Variants in ABTB3 observed in about 807,000 individuals in gnomAD.
ABTB3 encodes the protein ankyrin repeat and BTB domain containing 3, also known as ankyrin repeat- and BTB/POZ domain-containing protein 3.
chr12:107,399,736 G>C, the ABTB3 span, among the ~76,000 whole-genome samples: 859 of 152,250 alleles, frequency 5.6e-3, 5 homozygotes, highest in African/African-American at 0.019. Context: ...TTGCTACACA[G>C]GTATACATGT....
chr12:107,426,761 C>T, the ABTB3 span, among the ~76,000 whole-genome samples: 19 of 152,140 alleles, frequency 1.2e-4, no homozygotes, highest in African/African-American at 2.4e-4. Flanking sequence ...GCCATCTGCC[C>T]GGCCACCCAA....
the ABTB3 span, chr12:107,614,996 G>A: frequency 1.3e-4 from 183 of 1,410,928 alleles, no homozygotes; most frequent in Admixed American, 1.1e-3. Flanking sequence ...CCACAGATAC[G>A]TCAAATTTGC....
At chr12:107,444,882 C>T in the ABTB3 span, among the ~76,000 whole-genome samples, 1 of 152,130 alleles carries the variant, frequency 6.6e-6, no homozygotes, top group Non-Finnish European at 1.5e-5. Flanking sequence ...AAAGCCTCCT[C>T]AGAGGCTGGG....
the ABTB3 span, among the ~76,000 whole-genome samples, chr12:107,393,408 T>C: frequency 2.6e-5 from 4 of 152,046 alleles, no homozygotes; most frequent in Non-Finnish European, 5.9e-5. Flanking sequence ...TCACTTCAAC[T>C]ACTGCACTGC....
At chr12:107,447,177 T>G in the ABTB3 span, among the ~76,000 whole-genome samples, 1 of 152,146 alleles carries the variant, frequency 6.6e-6, no homozygotes, top group Non-Finnish European at 1.5e-5. Context: ...GTTTTCACTC[T>G]TGTTGCCCAG....
chr12:107,360,510 C>T, the ABTB3 span, among the ~76,000 whole-genome samples: 1 of 152,188 alleles, frequency 6.6e-6, no homozygotes, highest in Non-Finnish European at 1.5e-5. Context: ...GCTTTGGTCA[C>T]CACCTCCCCT....
At chr12:107,604,244 C>A in the ABTB3 span, among the ~76,000 whole-genome samples, 1 of 151,972 alleles carries the variant, frequency 6.6e-6, no homozygotes. Flanking sequence ...AGCTCGAGTT[C>A]GAGATCAGCC....
chr12:107,555,465 G>A, the ABTB3 span, among the ~76,000 whole-genome samples: 1 of 152,174 alleles, frequency 6.6e-6, no homozygotes, highest in African/African-American at 2.4e-5. Flanking sequence ...TGGATAGGCT[G>A]CACTTGTTAA....
At chr12:107,388,322 T>A in the ABTB3 span, among the ~76,000 whole-genome samples, 21 of 150,034 alleles carry the variant, frequency 1.4e-4, no homozygotes, top group Middle Eastern at 3.5e-3. Context: ...CTCCTTCTCC[T>A]CCTTCCTTCT....
the ABTB3 span, among the ~76,000 whole-genome samples, chr12:107,346,072 C>A: frequency 6.6e-6 from 1 of 152,196 alleles, no homozygotes; most frequent in East Asian, 1.9e-4. Context: ...AGGGCTCACA[C>A]CTGGGGCTGT....
the ABTB3 span, among the ~76,000 whole-genome samples, chr12:107,349,586 G>C: frequency 6.6e-6 from 1 of 152,116 alleles, no homozygotes; most frequent in Admixed American, 6.5e-5. Context: ...CTGTAAAATG[G>C]GTACAATCTC....
At chr12:107,468,804 A>G in the ABTB3 span, among the ~76,000 whole-genome samples, 1 of 152,170 alleles carries the variant, frequency 6.6e-6, no homozygotes, top group Admixed American at 6.5e-5. Context: ...ATGGAGCAGG[A>G]TATAGGGGCA....
chr12:107,430,626 G>A, the ABTB3 span, among the ~76,000 whole-genome samples: 5 of 152,062 alleles, frequency 3.3e-5, no homozygotes, highest in Non-Finnish European at 7.4e-5. Context: ...TGTATTGGCT[G>A]TACCTTCCAG....
chr12:107,491,705 C>T, the ABTB3 span, among the ~76,000 whole-genome samples: 6 of 151,886 alleles, frequency 4.0e-5, no homozygotes, highest in Non-Finnish European at 5.9e-5. Context: ...CGCCTGTAGT[C>T]GCAGCTACCC....
the ABTB3 span, chr12:107,520,645 A>G: frequency 6.2e-7 from 1 of 1,613,788 alleles, no homozygotes; most frequent in African/African-American, 1.3e-5. Context: ...GAGTAAGTAG[A>G]TGTTGGTTCT....
chr12:107,609,632 T>A, the ABTB3 span, among the ~76,000 whole-genome samples: 1 of 152,228 alleles, frequency 6.6e-6, no homozygotes, highest in Non-Finnish European at 1.5e-5. Flanking sequence ...GACAAGGCCC[T>A]TGCTCTCAGA....
At chr12:107,515,756 G>A in the ABTB3 span, among the ~76,000 whole-genome samples, 3 of 152,114 alleles carry the variant, frequency 2.0e-5, no homozygotes, top group African/African-American at 4.8e-5. Context: ...TTTCTGGGAA[G>A]GTCTTTTCTT....
At chr12:107,508,443 T>TTTTTTTTTTTTTTTG in the ABTB3 span, among the ~76,000 whole-genome samples, 1 of 74,932 alleles carries the variant, frequency 1.3e-5, no homozygotes, top group Admixed American at 1.7e-4. Context: ...CATTTCTTTT[T>TTTTTTTTTTTTTTTG]TTTTTTTTTT....
At chr12:107,352,207 T>C in the ABTB3 span, among the ~76,000 whole-genome samples, 6 of 152,098 alleles carry the variant, frequency 3.9e-5, no homozygotes, top group Admixed American at 6.5e-5. Context: ...TCTAGGACTT[T>C]GTGGGGTCAG....
Sources: allele counts gnomAD v4.1 joint callset (sites outside exome capture counted in the v4.1 genomes callset), GRCh38; gene constraint gnomAD v4.1.1; transcripts MANE v1.5; gene names NCBI Gene and HGNC (gene_info 2026-07-23, HGNC 2026-07-21).